ZNF880: variants seen among roughly 807,000 people sequenced by gnomAD.
ZNF880 encodes zinc finger protein LOC400713.
A neutral mutation model predicts 11.8 loss-of-function variants in ZNF880; 12 were observed. That is an observed-to-expected ratio of 1.02 (90% CI 0.65 to 1.65). The LOEUF (loss-of-function observed/expected upper bound fraction) is 1.65, where lower values mean the gene tolerates loss of function less well. Among genes scored for constraint, ZNF880 ranks in the 40% most tolerant of loss-of-function variants. The pLI is 0.00. For synonymous variants in ZNF880, 210 were observed against 232.4 expected, an observed-to-expected ratio of 0.90 and a Z score of 0.88; for missense variants, 601 against 673.9, an observed-to-expected ratio of 0.89 and a Z score of 1.20.
downstream of ZNF880, among the ~76,000 whole-genome samples, chr19:52,386,243 TTCTA>T (rs1351692846): frequency 7.0e-6 from 1 of 142,662 alleles, no homozygotes; most frequent in Admixed American, 6.9e-5. Flanking sequence ...TGAGAATCAT[TTCTA>T]TCAGTTTGCC....
rs747738647 is a variant in ZNF880, at chr19:52,384,960, A to T, written c.1380A>T (p.Gly460=). 22 of 1,571,822 alleles carry T rather than the reference A, an allele frequency of 1.4e-5. No individual in the cohort carries two copies. The highest frequency in any genetic ancestry group is 1.9e-5 in the Non-Finnish European group (22 of 1,157,594). ...GCAATCATCAGAGATTTCATACTGGAGAGAAACCTTACAGATGTGATGAAT... is the reference window on the plus strand; with the variant it reads ...GCAATCATCAGAGATTTCATACTGGTGAGAAACCTTACAGATGTGATGAAT... ...SLSNHQRFHT[G]EKPYRCDECG... The change falls in exon 4 of 4, where the codon GGA becomes GGT. Residue 460 remains glycine (G), a synonymous_variant. Coordinates refer to ENST00000422689, the MANE Select transcript of ZNF880 (RefSeq NM_001145434.2).
At chr19:52,374,697 A>C (rs1986502892) in intron 3 of ZNF880, 2 of 616,576 alleles carry the variant, frequency 3.2e-6, no homozygotes. Flanking sequence ...CTTTGGGAAA[A>C]TAAAAGTTTA....
intron 3 of ZNF880, among the ~76,000 whole-genome samples, chr19:52,377,371 A>G (rs1986585498): frequency 6.6e-6 from 1 of 152,098 alleles, no homozygotes; most frequent in Admixed American, 6.6e-5. Context: ...CTCAGCAGAG[A>G]GCGCTTCACT....
Position 52,379,712 on chromosome 19 carries a change from G to A in ZNF880, c.269-4137G>A, listed in dbSNP as rs890574059. On this transcript the variant is annotated intron_variant, in intron 3 of 3. Transcript: ENST00000422689. ...ACCCGCCTCAGCCTCCCAAAGTTCT[G>A]GGATTACAGGCATGAGTCACTGTAC... 2.6e-4 allele frequency: 55 copies of A among 215,632 alleles called. No homozygotes were observed. The Admixed American group carries it at 2.6e-3, about 10-fold the overall frequency. 13.4% of individuals were successfully genotyped at this position (215,632 alleles called of 1,614,324 possible).
At chr19:52,373,734 C>T (rs1291817431) in intron 2 of ZNF880, among the ~76,000 whole-genome samples, 3 of 134,032 alleles carry the variant, frequency 2.2e-5, no homozygotes, top group East Asian at 4.3e-4. Context: ...AGTGCAGTGG[C>T]AGGATCTCAG....
At chr19:52,372,994 C>A in intron 1 of ZNF880, 117 bp from the exon 2 acceptor site, 1 of 914,754 alleles carries the variant, frequency 1.1e-6, no homozygotes, top group Non-Finnish European at 1.7e-6. Flanking sequence ...ATATAACTAG[C>A]TAAAAAAATA....
At chr19:52,369,593 T>C (rs1233642294), upstream of ZNF880, among the ~76,000 whole-genome samples, 2 of 151,904 alleles carry the variant, frequency 1.3e-5, no homozygotes, top group African/African-American at 4.8e-5. Context: ...CAGGCGGGAG[T>C]GCAGCGCACG....
Position 52,385,182 on chromosome 19 carries a change from C to T in ZNF880, c.1602C>T (p.Tyr534=). ...ECGKVFSHKL[Y]LKKHERIHTG... is the part of the protein sequence containing the mutation. ...GCAAGGTCTTCAGCCACAAGTTATA[C>T]CTAAAAAAACATGAGAGAATTCATA... The change falls in exon 4 of 4, where the codon TAC becomes TAT. Residue 534 remains tyrosine, a synonymous_variant. Transcript: ENST00000422689. 2 of 1,552,906 alleles carry T rather than the reference C, an allele frequency of 1.3e-6. No individual in the cohort carries two copies. Among genetic ancestry groups the T allele is most frequent in the South Asian group, 1.2e-5 (1 of 84,140 alleles).
the ZNF880 span, among the ~76,000 whole-genome samples, chr19:52,393,825 T>TAA: frequency 2.8e-4 from 40 of 141,680 alleles, no homozygotes; most frequent in African/African-American, 1.0e-3. Context: ...TGTATTTCTT[T>TAA]GCCCCCCCCC....
chr19:52,372,909 C>CAAAAAAAA (rs201869014), intron 1 of ZNF880, among the ~76,000 whole-genome samples: 4 of 69,966 alleles, frequency 5.7e-5, no homozygotes, highest in Non-Finnish European at 7.9e-5. Flanking sequence ...GACTCCGTCT[C>CAAAAAAAA]AAAAAAAAAA....
chr19:52,374,705 T>G, intron 3 of ZNF880: 3 of 612,250 alleles, frequency 4.9e-6, no homozygotes, highest in South Asian at 3.9e-5. Context: ...AAATAAAAGT[T>G]TAAATCCTGT....
chr19:52,368,594 C>G (rs1986230915), upstream of ZNF880, among the ~76,000 whole-genome samples: 2 of 150,088 alleles, frequency 1.3e-5, no homozygotes, highest in South Asian at 2.1e-4. Context: ...CTTGGGGTGT[C>G]ATGATTGCTA....
chr19:52,377,899 G>A (rs530570917), intron 3 of ZNF880, among the ~76,000 whole-genome samples: 1 of 152,236 alleles, frequency 6.6e-6, no homozygotes, highest in Admixed American at 6.5e-5. Flanking sequence ...AGGCTGTAGT[G>A]AAGTGGCACA....
At chr19:52,375,361 T>C (rs1473595329) in intron 3 of ZNF880, among the ~76,000 whole-genome samples, 3 of 151,476 alleles carry the variant, frequency 2.0e-5, no homozygotes, top group Admixed American at 1.3e-4. Flanking sequence ...TAATTTTTTT[T>C]TTGTATTTTT....
the ZNF880 span, among the ~76,000 whole-genome samples, chr19:52,393,417 T>G: frequency 6.6e-6 from 1 of 151,906 alleles, no homozygotes; most frequent in Admixed American, 6.6e-5. Context: ...CTTTCTTTTT[T>G]TTTTTTCTGG....
intron 3 of ZNF880, chr19:52,374,640 C>G: frequency 1.4e-6 from 1 of 690,458 alleles, no homozygotes; most frequent in Non-Finnish European, 2.6e-6. Flanking sequence ...CCCTGCAAAA[C>G]CACACTTTGA....
At position 52,383,434 on chromosome 19, in the gene ZNF880, T is replaced by C. The variant is rs564145323; in HGVS notation, c.269-415T>C. ...GTGTAAGCGTTGTGCAGGATACCTT[T>C]ACTAATTAGCCTGCTATAAAGGGTA... On this transcript the variant is annotated intron_variant, in intron 3 of 3. Transcript: ENST00000422689. Among the ~76,000 whole-genome samples the C allele has an allele frequency of 4.6e-5, 7 of 151,922 alleles. No homozygotes were observed. The East Asian group carries it at 1.4e-3, about 29-fold the overall frequency.
intron 3 of ZNF880, 39 bp from the exon 4 acceptor site, chr19:52,383,810 G>A: frequency 6.7e-7 from 1 of 1,490,526 alleles, no homozygotes; most frequent in Non-Finnish European, 8.9e-7. Context: ...ACATGCCATT[G>A]TCATGGGTTG....
intron 1 of ZNF880, among the ~76,000 whole-genome samples, chr19:52,372,389 G>A (rs1230559902): frequency 4.1e-5 from 6 of 145,218 alleles, no homozygotes; most frequent in Admixed American, 6.9e-5. Flanking sequence ...CCAGGTTCAC[G>A]CCATTCTCCT....
Sources: allele counts gnomAD v4.1 joint callset (sites outside exome capture counted in the v4.1 genomes callset), GRCh38; gene constraint gnomAD v4.1.1; transcripts MANE v1.5; gene names NCBI Gene and HGNC (gene_info 2026-07-23, HGNC 2026-07-21).